The following RIC3 variants were observed in gnomAD, a reference collection of about 807,000 sequenced individuals.
The protein encoded by RIC3 is RIC3 acetylcholine receptor chaperone, also known as protein RIC-3.
Under a neutral mutation model 27.3 loss-of-function variants are expected in RIC3, and 28 were observed. The ratio of observed to expected loss-of-function variants is 1.02; its 90% CI spans 0.76 to 1.41. The LOEUF (loss-of-function observed/expected upper bound fraction) is 1.41, where lower values mean the gene tolerates loss of function less well. Among genes scored for constraint, RIC3 ranks in the 40% most tolerant of loss-of-function variants. RIC3 has a pLI of 0.00. For missense variants in RIC3, 501 were observed against 444.7 expected (o/e 1.13, Z -1.14); for synonymous variants, 184 against 160.4 (o/e 1.15, Z -1.11).
chr11:8,096,727 A>G, the RIC3 span: 2 of 1,613,842 alleles, frequency 1.2e-6, no homozygotes, highest in Non-Finnish European at 1.7e-6. Context: ...GAGGAGGATG[A>G]GGAGGAGAAT....
intron 1 of RIC3, among the ~76,000 whole-genome samples, chr11:8,147,321 C>A (rs983154242): frequency 6.6e-6 from 1 of 152,134 alleles, no homozygotes; most frequent in African/African-American, 2.4e-5. Context: ...GTGTCATGGG[C>A]GTATGTCCTG....
At chr11:8,093,918 G>A in the RIC3 span, 1 of 1,071,760 alleles carries the variant, frequency 9.3e-7, no homozygotes, top group Non-Finnish European at 1.4e-6. Flanking sequence ...TGTAGAAGTG[G>A]TACAGGGGCC....
the RIC3 span, among the ~76,000 whole-genome samples, chr11:8,100,027 C>T: frequency 6.6e-6 from 1 of 152,094 alleles, no homozygotes; most frequent in Non-Finnish European, 1.5e-5. Context: ...ACTTAATGTG[C>T]CTGAGCACTG....
At chr11:8,118,932 T>C (rs1946167648) in intron 5 of RIC3, among the ~76,000 whole-genome samples, 1 of 150,054 alleles carries the variant, frequency 6.7e-6, no homozygotes, top group Non-Finnish European at 1.5e-5. Context: ...AATTAGTATA[T>C]TAAAAGTCCA....
intron 5 of RIC3, among the ~76,000 whole-genome samples, chr11:8,117,847 A>AGAG (rs1368302098): frequency 6.6e-6 from 1 of 152,088 alleles, no homozygotes; most frequent in Non-Finnish European, 1.5e-5. Flanking sequence ...TAAAAGAGGA[A>AGAG]GAGGCCCACT....
the RIC3 span, among the ~76,000 whole-genome samples, chr11:8,093,577 C>A: frequency 2.0e-5 from 3 of 152,200 alleles, no homozygotes; most frequent in African/African-American, 7.2e-5. Context: ...CACTCCTACA[C>A]CCCAGCCTCC....
In RIC3 at chr11:8,140,110, A is replaced by T. The variant is rs1590238499; in HGVS notation, c.208T>A (p.Ser70Thr). The T allele has an allele frequency of 1.9e-6, 3 of 1,613,988 alleles. No homozygotes were observed. Among genetic ancestry groups the T allele is most frequent in the Non-Finnish European group, 2.5e-6 (3 of 1,179,990 alleles). ...GQTPGARFQR[S>T]HLAEAFAKAK... is the part of the protein sequence containing the mutation. ...TTTGCAAATGCCTCGGCAAGGTGAGACCTCTGGAAACGAGCCCCAGGAGTC... is the reference window on the plus strand; with the variant it reads ...TTTGCAAATGCCTCGGCAAGGTGAGTCCTCTGGAAACGAGCCCCAGGAGTC... The change falls in exon 2 of 6, where the codon TCT (serine) becomes ACT (threonine). Residue 70 changes from serine (S) to threonine (T), a missense_variant. Coordinates refer to ENST00000309737, the MANE Select transcript of RIC3 (RefSeq NM_001206671.4).
chr11:8,094,327 C>G, the RIC3 span: 1 of 1,186,874 alleles, frequency 8.4e-7, no homozygotes, highest in East Asian at 2.6e-5. Flanking sequence ...ACTCTGGGCA[C>G]CCCCTCAGGT....
At chr11:8,099,834 C>T in the RIC3 span, among the ~76,000 whole-genome samples, 1 of 152,114 alleles carries the variant, frequency 6.6e-6, no homozygotes, top group Non-Finnish European at 1.5e-5. Context: ...GTCTAGGGGA[C>T]ACAGTGAGGA....
At chr11:8,117,657 T>C (rs376781863) in intron 5 of RIC3, among the ~76,000 whole-genome samples, 6 of 152,298 alleles carry the variant, frequency 3.9e-5, no homozygotes, top group African/African-American at 1.2e-4. Context: ...TAACAGTATG[T>C]TGTATATTTG....
At chr11:8,150,229 C>T (rs923449228) in intron 1 of RIC3, among the ~76,000 whole-genome samples, 9 of 152,148 alleles carry the variant, frequency 5.9e-5, no homozygotes, top group African/African-American at 1.7e-4. Flanking sequence ...GAATGGCCAC[C>T]CTGAAGGTTG....
chr11:8,101,795 G>A (rs1481787455), downstream of RIC3: 8 of 1,193,864 alleles, frequency 6.7e-6, no homozygotes, highest in African/African-American at 9.2e-5. Context: ...CTGCTACTGA[G>A]GCAGGGGAGT....
At chr11:8,093,923 G>T in the RIC3 span, 1 of 1,129,334 alleles carries the variant, frequency 8.9e-7, no homozygotes. Flanking sequence ...AAGTGGTACA[G>T]GGGCCCTGGT....
chr11:8,143,120 G>C (rs1471985113), intron 1 of RIC3, among the ~76,000 whole-genome samples: 4 of 121,290 alleles, frequency 3.3e-5, no homozygotes, highest in African/African-American at 1.5e-4. Flanking sequence ...ACTGGCACAA[G>C]ACAGGGATGC....
chr11:8,096,467 ATG>A, the RIC3 span, among the ~76,000 whole-genome samples: 3 of 152,268 alleles, frequency 2.0e-5, no homozygotes, highest in East Asian at 5.8e-4. Context: ...GCCCCGGCTC[ATG>A]TGTGTACCTG....
the RIC3 span, chr11:8,100,562 G>A: frequency 1.2e-6 from 2 of 1,614,156 alleles, no homozygotes; most frequent in Non-Finnish European, 1.7e-6. Flanking sequence ...TCCCAGGCAT[G>A]AACATGGTTC....
chr11:8,127,243 C>T (rs536572677), intron 4 of RIC3, among the ~76,000 whole-genome samples: 1 of 152,266 alleles, frequency 6.6e-6, no homozygotes, highest in African/African-American at 2.4e-5. Flanking sequence ...TTAGCATCAA[C>T]CGGGGAAAAT....
At chr11:8,095,174 C>T in the RIC3 span, among the ~76,000 whole-genome samples, 48 of 152,332 alleles carry the variant, frequency 3.2e-4, no homozygotes, top group African/African-American at 1.1e-3. Context: ...TGGTCTGGAT[C>T]AGTCCTTGTT....
downstream of RIC3, chr11:8,101,099 G>A (rs1199747599): frequency 9.4e-6 from 13 of 1,384,370 alleles, no homozygotes; most frequent in Non-Finnish European, 1.2e-5. Flanking sequence ...TAGAGTTTAA[G>A]AATGTGAGCT....
Sources: gnomAD v4.1 joint callset for allele counts (sites outside exome capture counted in the v4.1 genomes callset) on GRCh38, gnomAD v4.1.1 for gene constraint, MANE v1.5 for transcripts, NCBI Gene and HGNC (gene_info 2026-07-23, HGNC 2026-07-21) for gene names.